The following DRG1 variants were observed in gnomAD, a reference collection of about 807,000 sequenced individuals.
DRG1 encodes developmentally-regulated GTP-binding protein 1.
A neutral mutation model predicts 38.8 loss-of-function variants in DRG1; 19 were observed. The observed-to-expected ratio is 0.49, with a 90% CI of 0.34 to 0.72. The LOEUF (loss-of-function observed/expected upper bound fraction) is 0.72, where lower values mean the gene tolerates loss of function less well. DRG1 is among the 30% of genes least tolerant of loss of function. DRG1 has a pLI of 0.01. For synonymous variants in DRG1, 167 were observed against 157.5 expected (o/e 1.06, Z -0.45); for missense variants, 299 against 444.8 (o/e 0.67, Z 2.95).
intron 8 of DRG1, among the ~76,000 whole-genome samples, chr22:31,429,312 G>A (rs1299328428): frequency 6.6e-6 from 1 of 151,850 alleles, no homozygotes; most frequent in African/African-American, 2.4e-5. Context: ...AGAAATTTTT[G>A]TATTTTTAGT....
intron 8 of DRG1, among the ~76,000 whole-genome samples, chr22:31,428,740 C>A (rs536741982): frequency 6.0e-4 from 92 of 152,246 alleles, no homozygotes; most frequent in African/African-American, 2.2e-3. Context: ...AGTAATATTT[C>A]CTTAGACTTT....
chr22:31,399,859 T>G, intron 1 of DRG1, 134 bp downstream of exon 1: 1 of 1,327,362 alleles, frequency 7.5e-7, no homozygotes, highest in Admixed American at 1.9e-5. Context: ...AGGCCCGTGT[T>G]CCGACTGCCC....
At chr22:31,401,216 C>T (rs923760753) in intron 2 of DRG1, among the ~76,000 whole-genome samples, 1 of 146,494 alleles carries the variant, frequency 6.8e-6, no homozygotes. Context: ...GCCAGGAGTT[C>T]GGAACCAGCA....
At chr22:31,411,597 T>C (rs1304814059) in intron 4 of DRG1, among the ~76,000 whole-genome samples, 2 of 150,844 alleles carry the variant, frequency 1.3e-5, no homozygotes, top group East Asian at 3.9e-4. Flanking sequence ...TGGGAGAATC[T>C]TGGCTCACTG....
intron 8 of DRG1, among the ~76,000 whole-genome samples, chr22:31,430,890 T>C (rs1244592690): frequency 6.6e-6 from 1 of 151,816 alleles, no homozygotes; most frequent in Non-Finnish European, 1.5e-5. Context: ...GCAAATTTTT[T>C]TTTTATTTGT....
rs528301852 is a variant in DRG1, at chr22:31,427,794, C to T, written c.1004+612C>T. Among the ~76,000 whole-genome samples, 3 of 152,154 alleles carry T rather than the reference C, an allele frequency of 2.0e-5. No homozygotes were observed. In the East Asian group the frequency reaches 5.8e-4, roughly 29 times the overall value. On this transcript the variant is annotated intron_variant, in intron 8 of 8. Transcript: ENST00000331457. ...TGTTGCCCAGGCTGGAGTGCAATGG[C>T]GTGATCTTGGCTCACTGCAACTTAT...
At chr22:31,416,497 G>C (rs564008349) in intron 4 of DRG1, among the ~76,000 whole-genome samples, 1 of 152,222 alleles carries the variant, frequency 6.6e-6, no homozygotes, top group Non-Finnish European at 1.5e-5. Flanking sequence ...CTCACAGTCT[G>C]TAATTCCAGC....
chr22:31,419,224 G>A (rs1012500936), intron 4 of DRG1, among the ~76,000 whole-genome samples: 5 of 152,064 alleles, frequency 3.3e-5, no homozygotes, highest in Non-Finnish European at 7.4e-5. Context: ...GATTGCTTGA[G>A]GCCAGGAGTT....
At chr22:31,431,322 C>A (rs1324190576) in intron 8 of DRG1, among the ~76,000 whole-genome samples, 1 of 152,114 alleles carries the variant, frequency 6.6e-6, no homozygotes, top group Non-Finnish European at 1.5e-5. Flanking sequence ...GCGTGAGCCA[C>A]TGTGCCCGCC....
At chr22:31,424,155 C>T (rs181271591) in intron 6 of DRG1, among the ~76,000 whole-genome samples, 1 of 149,324 alleles carries the variant, frequency 6.7e-6, no homozygotes, top group Non-Finnish European at 1.5e-5. Context: ...GTGAGCCCGG[C>T]CTTTTTTTTT....
intron 4 of DRG1, among the ~76,000 whole-genome samples, chr22:31,415,580 T>C (rs2050040083): frequency 6.6e-6 from 1 of 152,214 alleles, no homozygotes; most frequent in Admixed American, 6.5e-5. Flanking sequence ...CAGGCTTGTC[T>C]AGAACTCCTC....
At position 31,428,008 on chromosome 22, in the gene DRG1, C is replaced by T. The variant is rs200657288; in HGVS notation, c.1004+826C>T. Among the ~76,000 whole-genome samples, 43 of 151,628 alleles carry T rather than the reference C, an allele frequency of 2.8e-4. No homozygotes were observed. In the East Asian group the frequency reaches 4.9e-3, roughly 17 times the overall value. On this transcript the variant is annotated intron_variant, in intron 8 of 8. Transcript: ENST00000331457. ...TGCTGGGATTACAGGCATGAGCCAC[C>T]GTGCCTGGCCTTAAAAAATGTTTAT...
intron 7 of DRG1, 133 bp from the exon 8 acceptor site, chr22:31,426,927 C>A: frequency 6.7e-7 from 1 of 1,488,866 alleles, no homozygotes; most frequent in Non-Finnish European, 9.1e-7. Flanking sequence ...GTCATTAGGT[C>A]ATATTGAGGA....
At chr22:31,431,226 G>A (rs991982725) in intron 8 of DRG1, among the ~76,000 whole-genome samples, 4 of 151,794 alleles carry the variant, frequency 2.6e-5, no homozygotes, top group Non-Finnish European at 5.9e-5. Context: ...AGTAGAGACG[G>A]GGTTTCACCA....
chr22:31,411,114 T>G, intron 4 of DRG1, 33 bp downstream of exon 4: 1 of 1,606,800 alleles, frequency 6.2e-7, no homozygotes, highest in Non-Finnish European at 8.5e-7. Context: ...TCCTGGGATA[T>G]CATTCCCTTC....
intron 3 of DRG1, among the ~76,000 whole-genome samples, chr22:31,405,988 GTTTCTTTTTTCTTT>G (rs941784714): frequency 2.3e-4 from 35 of 150,284 alleles, no homozygotes; most frequent in Non-Finnish European, 4.4e-4. Context: ...ATGCCTGGCC[GTTTCTTTTTTCTTT>G]TTTCTTTTTT....
chr22:31,425,580 A>G (rs1404016043), intron 6 of DRG1, among the ~76,000 whole-genome samples: 1 of 151,836 alleles, frequency 6.6e-6, no homozygotes, highest in South Asian at 2.1e-4. Context: ...AGCTGGGACT[A>G]TGGGCGTGTG....
rs1235592629 is a variant in DRG1 at position 31,412,088 on chromosome 22, G to A, written c.412+1007G>A. 7.9e-5 allele frequency among the ~76,000 whole-genome samples: 12 copies of A among 151,644 alleles called. No homozygotes were observed. The East Asian group carries it at 1.6e-3, about 20-fold the overall frequency. ...GGGCAAATCACGAGGTCAGGAGATCGAGACAATCCTGGCTAACACAGTGAA... is the reference window on the plus strand; with the variant it reads ...GGGCAAATCACGAGGTCAGGAGATCAAGACAATCCTGGCTAACACAGTGAA... On this transcript the variant is annotated intron_variant, in intron 4 of 8. Transcript: ENST00000331457.
At chr22:31,412,390 G>A (rs1231190261) in intron 4 of DRG1, among the ~76,000 whole-genome samples, 12 of 128,878 alleles carry the variant, frequency 9.3e-5, no homozygotes, top group Non-Finnish European at 1.1e-4. Context: ...TCGCTCTGTC[G>A]CCCAGGCTAG....
Sources: gnomAD v4.1 joint callset for allele counts (sites outside exome capture counted in the v4.1 genomes callset) on GRCh38, gnomAD v4.1.1 for gene constraint, MANE v1.5 for transcripts, NCBI Gene and HGNC (gene_info 2026-07-23, HGNC 2026-07-21) for gene names.